The following MCM5 variants were observed in gnomAD, a reference collection of about 807,000 sequenced individuals.
MCM5 encodes DNA replication licensing factor MCM5.
In MCM5, 46 loss-of-function variants were observed where a neutral mutation model predicts 79.9. The ratio of observed to expected loss-of-function variants is 0.58; its 90% CI spans 0.45 to 0.74. MCM5 has a LOEUF of 0.74. MCM5 is among the 30% of genes least tolerant of loss of function. MCM5 has a pLI of 0.00. For synonymous variants in MCM5, 404 were observed against 390.5 expected (o/e 1.03, Z -0.41); for missense variants, 883 against 1,017.0 (o/e 0.87, Z 1.79).
chr22:35,439,101 A>G, the MCM5 span, among the ~76,000 whole-genome samples: 4 of 151,574 alleles, frequency 2.6e-5, no homozygotes, highest in Admixed American at 2.0e-4. Flanking sequence ...ATATTCATCC[A>G]TTCACCCATC....
intron 4 of MCM5, among the ~76,000 whole-genome samples, chr22:35,404,397 A>G (rs1240967060): frequency 6.6e-6 from 1 of 152,174 alleles, no homozygotes; most frequent in African/African-American, 2.4e-5. Flanking sequence ...TTGATTTGCT[A>G]AAGAAGCAGG....
At chr22:35,408,832 G>A (rs1221093594) in intron 6 of MCM5, among the ~76,000 whole-genome samples, 3 of 152,244 alleles carry the variant, frequency 2.0e-5, no homozygotes, top group Non-Finnish European at 4.4e-5. Context: ...GAGGAGAGCC[G>A]GGCTTTCAGC....
the MCM5 span, among the ~76,000 whole-genome samples, chr22:35,453,803 T>G: frequency 5.6e-5 from 5 of 89,678 alleles, no homozygotes; most frequent in East Asian, 8.1e-4. Context: ...ACAAAAGATA[T>G]ATATATATAT....
the MCM5 span, among the ~76,000 whole-genome samples, chr22:35,452,799 T>G: frequency 1.3e-5 from 2 of 152,194 alleles, no homozygotes; most frequent in Non-Finnish European, 2.9e-5. Context: ...GTTCTGCCAC[T>G]TGTACAGCAC....
At chr22:35,404,152 G>A (rs567815352) in intron 4 of MCM5, among the ~76,000 whole-genome samples, 41 of 148,390 alleles carry the variant, frequency 2.8e-4, no homozygotes, top group Admixed American at 2.6e-3. Flanking sequence ...ACTTTATCCC[G>A]AAAAAAAAAA....
At chr22:35,454,253 G>A in the MCM5 span, among the ~76,000 whole-genome samples, 1 of 151,998 alleles carries the variant, frequency 6.6e-6, no homozygotes, top group African/African-American at 2.4e-5. Flanking sequence ...AAGGCTTCAC[G>A]TTGTCTCCAG....
At chr22:35,452,186 C>T in the MCM5 span, among the ~76,000 whole-genome samples, 1 of 152,192 alleles carries the variant, frequency 6.6e-6, no homozygotes, top group Admixed American at 6.5e-5. Flanking sequence ...ACTCTGCCCT[C>T]CTCCCTGGTC....
downstream of MCM5, among the ~76,000 whole-genome samples, chr22:35,426,444 C>T (rs572289090): frequency 1.3e-5 from 2 of 152,246 alleles, no homozygotes; most frequent in East Asian, 1.9e-4. Context: ...GCTGGATTCC[C>T]GAGCTGGTGC....
chr22:35,404,126 A>G (rs979884079), intron 4 of MCM5, among the ~76,000 whole-genome samples: 1 of 152,142 alleles, frequency 6.6e-6, no homozygotes, highest in African/African-American at 2.4e-5. Context: ...AATAAAAAAT[A>G]AATTACAGAC....
chr22:35,432,642 G>T, the MCM5 span, among the ~76,000 whole-genome samples: 129 of 152,304 alleles, frequency 8.5e-4, no homozygotes, highest in South Asian at 0.019. Context: ...CTAGTCCCTG[G>T]CCCTGGCCAT....
chr22:35,433,827 T>G, the MCM5 span, among the ~76,000 whole-genome samples: 1 of 152,186 alleles, frequency 6.6e-6, no homozygotes, highest in African/African-American at 2.4e-5. Flanking sequence ...CTGGAGCCTG[T>G]GGTGAGGTCC....
chr22:35,401,364 A>C (rs1214196053), intron 2 of MCM5: 2 of 470,786 alleles, frequency 4.2e-6, no homozygotes, highest in African/African-American at 2.0e-5. Context: ...TCATTTATTT[A>C]TACCAGTCTT....
At chr22:35,403,699 T>TA (rs2145783020) in intron 4 of MCM5, among the ~76,000 whole-genome samples, 157 bp downstream of exon 4, 1 of 152,300 alleles carries the variant, frequency 6.6e-6, no homozygotes, top group South Asian at 2.1e-4. Context: ...TGCTTTTTGT[T>TA]ATGAAAAATT....
At chr22:35,420,497 A>G (rs1054399019) in intron 14 of MCM5, among the ~76,000 whole-genome samples, 2 of 152,242 alleles carry the variant, frequency 1.3e-5, no homozygotes, top group African/African-American at 4.8e-5. Flanking sequence ...GGATTTGGCT[A>G]TAAGTAATGG....
intron 2 of MCM5, among the ~76,000 whole-genome samples, chr22:35,401,212 G>A (rs1250655976): frequency 6.6e-6 from 1 of 152,218 alleles, no homozygotes; most frequent in Non-Finnish European, 1.5e-5. Flanking sequence ...CACTTGGACC[G>A]TTTAGTTCTT....
the MCM5 span, among the ~76,000 whole-genome samples, chr22:35,431,347 C>T: frequency 1.4e-3 from 220 of 152,328 alleles, 3 homozygotes; most frequent in Non-Finnish European, 2.4e-4. Context: ...GGATGCCCAA[C>T]CCCCGAATCT....
intron 2 of MCM5, chr22:35,401,550 G>A: frequency 2.1e-6 from 1 of 468,232 alleles, no homozygotes; most frequent in Admixed American, 2.4e-5. Flanking sequence ...AGAACATGAG[G>A]TTGCAGGTTC....
rs4645796 is a variant in MCM5, at chr22:35,416,760, G to A, written c.1536G>A (p.Ser512=). Residue 512 remains serine, a synonymous_variant, in exon 12 of 17, where the codon TCG becomes TCA. Transcript: ENST00000216122. ...TTGACTTCATGCCCACCATCTTGTCGCGCTTCGACATGATCTTCATCGTCA... is the reference window on the plus strand; with the variant it reads ...TTGACTTCATGCCCACCATCTTGTCACGCTTCGACATGATCTTCATCGTCA... ...DNIDFMPTIL[S]RFDMIFIVKD... is the part of the protein sequence containing the mutation. The A allele has an allele frequency of 9.8e-5, 158 of 1,614,004 alleles. No individual in the cohort carries two copies. The highest frequency in any genetic ancestry group is 4.5e-4 in the African/African-American group (34 of 74,900).
intron 5 of MCM5, among the ~76,000 whole-genome samples, chr22:35,407,934 G>A (rs1281496615): frequency 1.3e-5 from 2 of 152,156 alleles, no homozygotes; most frequent in East Asian, 1.9e-4. Context: ...TTGCTATGAT[G>A]TTTACTTCTT....
Sources: allele counts gnomAD v4.1 joint callset (sites outside exome capture counted in the v4.1 genomes callset), GRCh38; gene constraint gnomAD v4.1.1; transcripts MANE v1.5; gene names NCBI Gene and HGNC (gene_info 2026-07-23, HGNC 2026-07-21).